The following BAZ2A variants were observed in gnomAD, a reference collection of about 807,000 sequenced individuals.
BAZ2A encodes bromodomain adjacent to zinc finger domain protein 2A.
In BAZ2A, 34 loss-of-function variants were observed where a neutral mutation model predicts 199.9. The observed-to-expected ratio is 0.17, with a 90% CI of 0.13 to 0.23. BAZ2A has a LOEUF of 0.23. BAZ2A is among the 10% of genes least tolerant of loss of function. The pLI, the probability that BAZ2A is intolerant of heterozygous loss-of-function variation, is 1.00. For missense variants in BAZ2A, 2,002 were observed against 2,391.1 expected, an observed-to-expected ratio of 0.84 and a Z score of 3.39; for synonymous variants, 857 against 883.9, an observed-to-expected ratio of 0.97 and a Z score of 0.54.
At chr12:56,609,347 C>T (rs1272553201) in intron 10 of BAZ2A, among the ~76,000 whole-genome samples, 1 of 152,056 alleles carries the variant, frequency 6.6e-6, no homozygotes, top group African/African-American at 2.4e-5. Flanking sequence ...ATGCCTGGCT[C>T]CCAATTATCT....
At chr12:56,622,940 A>G (rs1950964687) in intron 1 of BAZ2A, among the ~76,000 whole-genome samples, 1 of 152,168 alleles carries the variant, frequency 6.6e-6, no homozygotes, top group Non-Finnish European at 1.5e-5. Flanking sequence ...GACATGGTTT[A>G]ATAGAAAAAG....
intron 1 of BAZ2A, among the ~76,000 whole-genome samples, chr12:56,628,008 G>A (rs1340252018): frequency 6.6e-6 from 1 of 150,582 alleles, no homozygotes; most frequent in Non-Finnish European, 1.5e-5. Context: ...ATGATGAAAC[G>A]CCGTCTCTAC....
At chr12:56,610,605 G>C in intron 7 of BAZ2A, 88 bp from the exon 8 acceptor site, 1 of 1,136,966 alleles carries the variant, frequency 8.8e-7, no homozygotes, top group South Asian at 1.3e-5. Context: ...TGAGCAGATG[G>C]CCCTCCCCAC....
chr12:56,602,751 A>C lies in BAZ2A; in HGVS notation c.3386T>G (p.Leu1129Trp). 6.2e-7 allele frequency: 1 copy of C among 1,613,982 alleles called. No individual in the cohort carries two copies. Among genetic ancestry groups the C allele is most frequent in the African/African-American group, 1.3e-5 (1 of 75,062 alleles). ...TGTTCCTTCTACAAAGATACCAGCCAAATACGGCAATACCCAGTAGCGACG... is the reference window on the plus strand; with the variant it reads ...TGTTCCTTCTACAAAGATACCAGCCCAATACGGCAATACCCAGTAGCGACG... ...YRRRYWVLPY[L>W]AGIFVEGTEG... Residue 1129 changes from leucine to tryptophan, a missense_variant, in exon 19 of 29, where the codon TTG (leucine) becomes TGG (tryptophan). Leu to Trp is a moderately conservative substitution (Grantham distance 61). Coordinates refer to ENST00000549884, the MANE Select transcript of BAZ2A (RefSeq NM_001300905.2).
chr12:56,611,351 A>G, intron 7 of BAZ2A: 1 of 597,598 alleles, frequency 1.7e-6, no homozygotes, highest in Non-Finnish European at 2.9e-6. Context: ...AGTCACTACA[A>G]GATGAAAAAA....
Position 56,601,736 on chromosome 12 carries a change from T to G in BAZ2A, c.3881A>C (p.Lys1294Thr). Residue 1294 changes from lysine to threonine, a missense_variant, in exon 20 of 29, where the codon AAA becomes ACA. Transcript: ENST00000549884. ...GGGTTGTGATGGAGCTGGGTCTAGT[T>G]TTCCCGGACTGCTATCAGGTGTGAG... is the stretch of plus-strand genomic sequence containing the variant. ...SVLTPDSSPG[K>T]LDPAPSQPPE... 1 of 1,613,958 alleles carries G rather than the reference T, an allele frequency of 6.2e-7. No homozygotes were observed.
Position 56,609,681 on chromosome 12 carries a change from A to C in BAZ2A, c.2092+55T>G, listed in dbSNP as rs1285097079. 8.5e-5 allele frequency: 130 copies of C among 1,536,214 alleles called. 2 individuals carry two copies. In the Admixed American group the frequency reaches 2.3e-3, roughly 27 times the overall value. ...ATCCAGGTATTAGCAATTCATCAAC[A>C]TTTTAGATACCTCATGGAGGGAGCA... is the stretch of plus-strand genomic sequence containing the variant. On this transcript the variant is annotated intron_variant, in intron 10 of 28. Coordinates refer to ENST00000549884, the MANE Select transcript of BAZ2A (RefSeq NM_001300905.2).
In BAZ2A at chr12:56,611,557, A is replaced by C. The variant is rs2137003886; in HGVS notation, c.1670+16T>G. The stretch of plus-strand genomic sequence containing the variant: ...ACTTGTCAAGGTCAATAAATGTAGC[A>C]AACTAGAGCATTTACCCATGTTGGA... On this transcript the variant is annotated intron_variant, in intron 7 of 28. Coordinates refer to ENST00000549884, the MANE Select transcript of BAZ2A (RefSeq NM_001300905.2). 2.5e-6 allele frequency: 4 copies of C among 1,608,152 alleles called. 1 individual carries two copies. The South Asian group carries it at 4.4e-5, about 18-fold the overall frequency.
In BAZ2A at chr12:56,617,278, T is replaced by C; in HGVS notation, c.136+117A>G. On this transcript the variant is annotated intron_variant, in intron 2 of 28. Transcript: ENST00000549884. ...AATGTTTCCAAAAAACCCTAGAACT[T>C]GTTCTTAGAAGTTGATTTCTCTCCA... 3 of 1,195,974 alleles carry C rather than the reference T, an allele frequency of 2.5e-6. No homozygotes were observed. The South Asian group carries it at 6.9e-5, about 28-fold the overall frequency. The allele number at this position is 1,195,974 out of a possible 1,614,324, so 74.1% of individuals were successfully genotyped here.
At chr12:56,610,650 G>C (rs1950531470) in intron 7 of BAZ2A, 133 bp from the exon 8 acceptor site, 1 of 744,710 alleles carries the variant, frequency 1.3e-6, no homozygotes, top group African/African-American at 1.8e-5. Context: ...AGATGCAAAA[G>C]CACCAAGAGA....
chr12:56,611,675 T>C, intron 6 of BAZ2A, 42 bp from the exon 7 acceptor site: 1 of 1,568,808 alleles, frequency 6.4e-7, no homozygotes, highest in Non-Finnish European at 8.6e-7. Flanking sequence ...TCAAGCAAAA[T>C]ATTTAAACAA....
rs750083982 is a variant in BAZ2A at position 56,611,575 on chromosome 12, A to G, written c.1668T>C (p.His556=). 6.2e-7 allele frequency: 1 copy of G among 1,612,616 alleles called. No homozygotes were observed. Among genetic ancestry groups the G allele is most frequent in the South Asian group, 1.1e-5 (1 of 91,000 alleles). The change falls in exon 7 of 29, where the codon CAT becomes CAC. Residue 556 remains histidine, a splice_region_variant and synonymous_variant. Coordinates refer to ENST00000549884, the MANE Select transcript of BAZ2A (RefSeq NM_001300905.2). Reference sequence around the variant, plus strand: ...ATGTAGCAAACTAGAGCATTTACCCATGTTGGAGGGGAAGACGAACTTCTT... The same window carrying G: ...ATGTAGCAAACTAGAGCATTTACCCGTGTTGGAGGGGAAGACGAACTTCTT... ...TPEEVRLPLQ[H]GWRREVRIKK...
rs1040515005 is a variant in BAZ2A at position 56,630,070 on chromosome 12, C to T, written c.-3+55G>A. On this transcript the variant is annotated intron_variant, in intron 1 of 28. Transcript: ENST00000549884. ...AGCTTCTGTTCCCCGAGGGAAGCCT[C>T]GGATGAAAGCGGGGCTCCCTCCCCC... 1.3e-5 allele frequency: 12 copies of T among 937,414 alleles called. No individual in the cohort carries two copies. The African/African-American group carries it at 2.0e-4, about 15-fold the overall frequency. 58.1% of individuals were successfully genotyped at this position (937,414 alleles called of 1,614,324 possible).
chr12:56,627,922 C>T (rs994017356), intron 1 of BAZ2A, among the ~76,000 whole-genome samples: 3 of 151,106 alleles, frequency 2.0e-5, no homozygotes, highest in Non-Finnish European at 3.0e-5. Context: ...TGGCTCACAC[C>T]TGTAATCCCT....
At chr12:56,613,375 T>A in intron 4 of BAZ2A, 142 bp from the exon 5 acceptor site, 1 of 866,854 alleles carries the variant, frequency 1.2e-6, no homozygotes, top group South Asian at 1.7e-5. Context: ...AGGTAACAAG[T>A]AAAGCCTTCT....
upstream of BAZ2A, among the ~76,000 whole-genome samples, chr12:56,632,906 G>C (rs906155765): frequency 2.0e-5 from 3 of 152,056 alleles, no homozygotes; most frequent in Non-Finnish European, 4.4e-5. Flanking sequence ...AGGGCAGACT[G>C]ACCCCAAATG....
At chr12:56,610,688 A>G in intron 7 of BAZ2A, 171 bp from the exon 8 acceptor site, 1 of 628,682 alleles carries the variant, frequency 1.6e-6, no homozygotes, top group Non-Finnish European at 2.8e-6. Flanking sequence ...GGCTGACTTG[A>G]GCTCCAGCAA....
At chr12:56,606,817 G>T in intron 10 of BAZ2A, 84 bp from the exon 11 acceptor site, 1 of 1,109,884 alleles carries the variant, frequency 9.0e-7, no homozygotes, top group Non-Finnish European at 1.4e-6. Context: ...CCGTCTCAAA[G>T]CTGGCCTCCC....
At chr12:56,617,795 C>T (rs1950772110) in intron 1 of BAZ2A, among the ~76,000 whole-genome samples, 1 of 152,146 alleles carries the variant, frequency 6.6e-6, no homozygotes, top group Non-Finnish European at 1.5e-5. Flanking sequence ...AACCAAGATA[C>T]AAACCTGGAG....
Sources: gnomAD v4.1 joint callset for allele counts (sites outside exome capture counted in the v4.1 genomes callset) on GRCh38, gnomAD v4.1.1 for gene constraint, MANE v1.5 for transcripts, NCBI Gene and HGNC (gene_info 2026-07-23, HGNC 2026-07-21) for gene names.